Variants in PGM2L1 observed in about 807,000 individuals in gnomAD.
PGM2L1 encodes the protein phosphoglucomutase 2 like 1, also known as glucose 1,6-bisphosphate synthase.
Under a neutral mutation model 73.4 loss-of-function variants are expected in PGM2L1, and 35 were observed. The observed-to-expected ratio is 0.48, with a 90% confidence interval of 0.36 to 0.63. PGM2L1 has a LOEUF of 0.63. Ranked by LOEUF, PGM2L1 falls within the 30% of genes least tolerant of loss-of-function variation. PGM2L1 has a pLI of 0.00. For synonymous variants in PGM2L1, 225 were observed against 253.8 expected, an observed-to-expected ratio of 0.89 and a Z score of 1.08; for missense variants, 570 against 742.0, an observed-to-expected ratio of 0.77 and a Z score of 2.69.
At chr11:74,339,418 A>T (rs959520165) in intron 12 of PGM2L1, among the ~76,000 whole-genome samples, 2 of 152,186 alleles carry the variant, frequency 1.3e-5, no homozygotes, top group African/African-American at 4.8e-5. Flanking sequence ...GTACTAGGCC[A>T]GAGGGGTTGA....
At chr11:74,370,817 G>A in intron 4 of PGM2L1, 85 bp downstream of exon 4, 2 of 1,233,926 alleles carry the variant, frequency 1.6e-6, no homozygotes. Context: ...AGAACTACAT[G>A]CACAAAAAAT....
At chr11:74,376,566 A>G (rs1440230837) in intron 1 of PGM2L1, among the ~76,000 whole-genome samples, 1 of 151,410 alleles carries the variant, frequency 6.6e-6, no homozygotes, top group African/African-American at 2.4e-5. Flanking sequence ...TCTAATGAGT[A>G]TATATGTGTA....
chr11:74,381,311 T>C (rs1379249762), intron 1 of PGM2L1, among the ~76,000 whole-genome samples: 1 of 152,106 alleles, frequency 6.6e-6, no homozygotes, highest in African/African-American at 2.4e-5. Flanking sequence ...GTGCACCACT[T>C]CCATGCCTAG....
chr11:74,330,783 A>G lies in PGM2L1; in HGVS notation c.*5869T>C, dbSNP rs1191326339. 6.6e-6 allele frequency: 1 copy of G among 152,620 alleles called. No individual in the cohort carries two copies. The highest frequency in any genetic ancestry group is 1.5e-5 in the Non-Finnish European group (1 of 68,032). 9.5% of individuals were successfully genotyped at this position (152,620 alleles called of 1,614,324 possible). On this transcript the variant is annotated 3_prime_UTR_variant, in exon 14 of 14. Transcript: ENST00000298198. ...GACTAGTGATATTAAGTCTACATAG[A>G]CACCATTTCTTTACCTTCCTGGCCA... is the stretch of plus-strand genomic sequence containing the variant.
At chr11:74,378,396 G>C (rs928966036) in intron 1 of PGM2L1, among the ~76,000 whole-genome samples, 1 of 152,020 alleles carries the variant, frequency 6.6e-6, no homozygotes, top group African/African-American at 2.4e-5. Context: ...CATTCAATCT[G>C]AAATAAATTT....
intron 4 of PGM2L1, among the ~76,000 whole-genome samples, chr11:74,369,237 G>A (rs1277901946): frequency 6.6e-6 from 1 of 152,172 alleles, no homozygotes; most frequent in Non-Finnish European, 1.5e-5. Flanking sequence ...AAAACATGTG[G>A]CTCTATTGCC....
chr11:74,369,134 C>A (rs1341591110), intron 4 of PGM2L1, among the ~76,000 whole-genome samples: 1 of 152,020 alleles, frequency 6.6e-6, no homozygotes, highest in Non-Finnish European at 1.5e-5. Context: ...ATAACACAGC[C>A]ACATCATGAT....
At chr11:74,343,188 G>A (rs1239823738) in intron 10 of PGM2L1, 135 bp downstream of exon 10, 53 of 1,290,770 alleles carry the variant, frequency 4.1e-5, no homozygotes, top group Non-Finnish European at 5.5e-5. Context: ...GATAAGAAAT[G>A]TATCTACATA....
At chr11:74,392,301 T>C (rs1863113954) in intron 1 of PGM2L1, among the ~76,000 whole-genome samples, 1 of 151,760 alleles carries the variant, frequency 6.6e-6, no homozygotes, top group South Asian at 2.1e-4. Flanking sequence ...AAATTGCAAA[T>C]AAAATGATGA....
chr11:74,357,685 A>G (rs184989230), intron 5 of PGM2L1, among the ~76,000 whole-genome samples: 1 of 152,360 alleles, frequency 6.6e-6, no homozygotes, highest in Non-Finnish European at 1.5e-5. Context: ...GTATTTACTG[A>G]AAGGAATGAA....
At chr11:74,350,212 G>A (rs924757685) in intron 6 of PGM2L1, among the ~76,000 whole-genome samples, 1 of 152,164 alleles carries the variant, frequency 6.6e-6, no homozygotes, top group Non-Finnish European at 1.5e-5. Flanking sequence ...TTGACAGCTT[G>A]ATGGGTATAC....
intron 5 of PGM2L1, chr11:74,354,997 A>G: frequency 8.2e-7 from 1 of 1,217,420 alleles, no homozygotes; most frequent in Non-Finnish European, 1.2e-6. Flanking sequence ...TCAAAGCAAG[A>G]AGAGATGGCT....
Position 74,346,718 on chromosome 11 carries a change from C to T in PGM2L1, c.1037+14G>A. The T allele has an allele frequency of 6.3e-7, 1 of 1,597,702 alleles. No individual in the cohort carries two copies. The highest frequency in any genetic ancestry group is 8.6e-7 in the Non-Finnish European group (1 of 1,165,452). ...AAAGTTCAAGCTTTTAATCAAATAA[C>T]AGATTCTACATACTTCTCCTGAAGT... On this transcript the variant is annotated intron_variant, in intron 8 of 13. Transcript: ENST00000298198.
chr11:74,365,636 G>A (rs895536657), intron 5 of PGM2L1, among the ~76,000 whole-genome samples: 3 of 152,174 alleles, frequency 2.0e-5, no homozygotes, highest in Non-Finnish European at 4.4e-5. Context: ...GGCCATCAGA[G>A]AAATGCAAAT....
chr11:74,340,672 T>C (rs1186666707), intron 12 of PGM2L1, among the ~76,000 whole-genome samples: 1 of 152,132 alleles, frequency 6.6e-6, no homozygotes, highest in South Asian at 2.1e-4. Flanking sequence ...AGCCACAACA[T>C]AGGCAGCAAC....
intron 4 of PGM2L1, among the ~76,000 whole-genome samples, chr11:74,370,015 G>A (rs1257655027): frequency 6.6e-6 from 1 of 152,078 alleles, no homozygotes; most frequent in Non-Finnish European, 1.5e-5. Context: ...CCAAAGTGCT[G>A]GGATTACAGG....
intron 5 of PGM2L1, chr11:74,355,512 C>T (rs1862430779): frequency 3.1e-6 from 1 of 325,132 alleles, no homozygotes; most frequent in Admixed American, 4.6e-5. Context: ...CGAGATCGCG[C>T]CACTGCACTC....
chr11:74,343,217 T>A, intron 10 of PGM2L1, 106 bp downstream of exon 10: 4 of 1,401,608 alleles, frequency 2.9e-6, no homozygotes, highest in Non-Finnish European at 1.9e-6. Flanking sequence ...TCTCTGTAGT[T>A]TTTACAACTC....
chr11:74,387,447 T>C (rs1863033421), intron 1 of PGM2L1, among the ~76,000 whole-genome samples: 1 of 152,218 alleles, frequency 6.6e-6, no homozygotes, highest in South Asian at 2.1e-4. Flanking sequence ...CCATGTCTGG[T>C]ACATGATCAC....
Sources: allele counts gnomAD v4.1 joint callset (sites outside exome capture counted in the v4.1 genomes callset), GRCh38; gene constraint gnomAD v4.1.1; transcripts MANE v1.5; gene names NCBI Gene and HGNC (gene_info 2026-07-23, HGNC 2026-07-21).